Variants in ATF6B observed in about 807,000 individuals in gnomAD.
ATF6B encodes the protein cyclic AMP-dependent transcription factor ATF-6 beta.
ATF6B carries 50 observed loss-of-function variants against 83.5 expected under a neutral mutation model. The observed-to-expected ratio is 0.60, with a 90% CI of 0.48 to 0.76. The LOEUF (loss-of-function observed/expected upper bound fraction) is 0.76. Among genes scored for constraint, ATF6B ranks in the 30% least tolerant of loss-of-function variants. The pLI, the probability that ATF6B is intolerant of heterozygous loss-of-function variation, is 0.00. For missense variants in ATF6B, 790 were observed against 893.8 expected, an observed-to-expected ratio of 0.88 and a Z score of 1.48; for synonymous variants, 344 against 362.8, an observed-to-expected ratio of 0.95 and a Z score of 0.59.
rs759261328 is a variant in ATF6B at position 32,126,265 on chromosome 6, T to A, written c.343-13A>T. Reference sequence around the variant, plus strand: ...CTACCCCAAGAGCCTGGGTGAGAGTTGGTGTGGGGCAGGGGGCAGAAAGAA... The same window carrying A: ...CTACCCCAAGAGCCTGGGTGAGAGTAGGTGTGGGGCAGGGGGCAGAAAGAA... On this transcript the variant is annotated splice_polypyrimidine_tract_variant and intron_variant, in intron 4 of 17. Coordinates refer to ENST00000375203, the MANE Select transcript of ATF6B (RefSeq NM_004381.5). The A allele has an allele frequency of 6.2e-7, 1 of 1,613,346 alleles. No individual in the cohort carries two copies. The highest frequency in any genetic ancestry group is 1.1e-5 in the South Asian group (1 of 91,050).
Position 32,124,114 on chromosome 6 carries a change from C to T in ATF6B, c.478+2003G>A, listed in dbSNP as rs541093038. On this transcript the variant is annotated intron_variant, in intron 5 of 17. Coordinates refer to ENST00000375203, the MANE Select transcript of ATF6B (RefSeq NM_004381.5). ...ACTCAGGAGGCTGAGGCAGGAGAATCGCTTGAACCCAGGAGGCAGAGATTA... is the reference window on the plus strand; with the variant it reads ...ACTCAGGAGGCTGAGGCAGGAGAATTGCTTGAACCCAGGAGGCAGAGATTA... 1.1e-4 allele frequency among the ~76,000 whole-genome samples: 16 copies of T among 152,206 alleles called. No individual in the cohort carries two copies. In the East Asian group the frequency reaches 2.1e-3, roughly 20 times the overall value.
In ATF6B at chr6:32,118,885, G is replaced by C; in HGVS notation, c.1153-19C>G. The C allele has an allele frequency of 2.5e-6, 4 of 1,614,158 alleles. No homozygotes were observed. Among genetic ancestry groups the C allele is most frequent in the Non-Finnish European group, 3.4e-6 (4 of 1,180,000 alleles). On this transcript the variant is annotated intron_variant, in intron 10 of 17. Coordinates refer to ENST00000375203, the MANE Select transcript of ATF6B (RefSeq NM_004381.5). This position sits in a 1 kb window ranked among gnomAD's most constrained non-coding sequence, Gnocchi z 5.2. ...CGCTGTTCTAAGGTACAAAGAAGGA[G>C]ACAAGAAAAAGGGGAATCATTCCAA...
Position 32,117,156 on chromosome 6 carries a change from A to G in ATF6B, c.1615-49T>C. The G allele has an allele frequency of 6.3e-7, 1 of 1,597,880 alleles. No individual in the cohort carries two copies. Among genetic ancestry groups the G allele is most frequent in the Non-Finnish European group, 8.6e-7 (1 of 1,166,190 alleles). ...CTTGGAGAGGGTGAAGGGAAAAGGG[A>G]AAGAGACAAACAGCCCCTGGAAGCT... is the stretch of plus-strand genomic sequence containing the variant. On this transcript the variant is annotated intron_variant, in intron 14 of 17. Transcript: ENST00000375203. The surrounding 1 kb of genome is among the most constrained non-coding windows in gnomAD (Gnocchi z 5.0).
rs766245629 is a variant in ATF6B at position 32,117,358 on chromosome 6, G to A, written c.1579C>T (p.Arg527Trp). 49 of 1,613,894 alleles carry A rather than the reference G, an allele frequency of 3.0e-5. No individual in the cohort carries two copies. Among genetic ancestry groups the A allele is most frequent in the African/African-American group, 6.7e-5 (5 of 74,874 alleles). ...TGGGCCCTCTGAGGGATCTTCCTCC[G>A]GCCTCTCTGGTGGCGCTGGACCCAG... ...SGWVQRHQRG[R>W]RKIPQRAQER... The change falls in exon 14 of 18, where the codon CGG (arginine) becomes TGG (tryptophan). Residue 527 changes from arginine to tryptophan, a missense_variant. This residue lies in a region of ATF6B where 530 missense variants were observed against 632.6 expected (regional missense o/e 0.84). Transcript: ENST00000375203. The surrounding 1 kb of genome is among the most constrained non-coding windows in gnomAD (Gnocchi z 5.0).
In ATF6B at chr6:32,119,821, T is replaced by TA; in HGVS notation, c.966+2dup. 1.2e-6 allele frequency: 2 copies of TA among 1,613,762 alleles called. No homozygotes were observed. The highest frequency in any genetic ancestry group is 1.7e-6 in the Non-Finnish European group (2 of 1,179,820). ...CCCTACTTCTCTCCTCCCCAACACT[T>TA]ACATCCACTTCAGGCGGGCAGGAGT... On this transcript the variant is annotated splice_region_variant and intron_variant, in intron 9 of 17. Coordinates refer to ENST00000375203, the MANE Select transcript of ATF6B (RefSeq NM_004381.5). The surrounding 1 kb of genome is among the most constrained non-coding windows in gnomAD (Gnocchi z 4.9).
chr6:32,121,239 G>A, intron 6 of ATF6B, 24 bp downstream of exon 6: 1 of 1,612,672 alleles, frequency 6.2e-7, no homozygotes. Context: ...AAAACCTGGA[G>A]GAAGGAAGGA....
At chr6:32,123,122 G>A (rs553742659) in intron 5 of ATF6B, among the ~76,000 whole-genome samples, 2 of 151,062 alleles carry the variant, frequency 1.3e-5, no homozygotes, top group African/African-American at 2.4e-5. Flanking sequence ...TAGCTATTAG[G>A]GGGGCTGAGG....
chr6:32,127,286 C>A (rs1250826752), intron 3 of ATF6B, 92 bp from the exon 4 acceptor site: 1 of 1,389,556 alleles, frequency 7.2e-7, no homozygotes, highest in Non-Finnish European at 9.8e-7. Context: ...ATTCCTGTAC[C>A]GCAGCAAGGG....
rs1022028190 is a variant in ATF6B at position 32,120,828 on chromosome 6, T to C, written c.775A>G (p.Arg259Gly). Residue 259 changes from arginine (R) to glycine (G), a missense_variant, in exon 8 of 18, where the codon AGA (arginine) becomes GGA (glycine). Around this residue, in one of 3 missense-constraint regions of ATF6B, gnomAD observed 530 missense variants for 632.6 expected, o/e 0.84. Transcript: ENST00000375203. The part of the protein sequence containing the change: ...VVLTTVPMPS[R>G]AVPPSTTVLL... ...ACTGTGGTGCTGGGAGGCACAGCTC[T>C]GGATGGCATTGGGACAGTGGTTAGC... The C allele has an allele frequency of 6.2e-7, 1 of 1,608,592 alleles. No individual in the cohort carries two copies. Among genetic ancestry groups the C allele is most frequent in the African/African-American group, 1.3e-5 (1 of 74,748 alleles).
At chr6:32,124,916 C>T (rs1310421361) in intron 5 of ATF6B, among the ~76,000 whole-genome samples, 1 of 151,598 alleles carries the variant, frequency 6.6e-6, no homozygotes, top group African/African-American at 2.4e-5. Flanking sequence ...GGCGTGATCT[C>T]GGCTCACTGC....
Position 32,117,918 on chromosome 6 carries a change from C to T in ATF6B, c.1365G>A (p.Gln455=). 1 of 1,606,384 alleles carries T rather than the reference C, an allele frequency of 6.2e-7. No individual in the cohort carries two copies. Among genetic ancestry groups the T allele is most frequent in the Non-Finnish European group, 8.5e-7 (1 of 1,176,368 alleles). The change falls in exon 12 of 18, where the codon CAG becomes CAA. Residue 455 remains glutamine, a synonymous_variant. Transcript: ENST00000375203. This position sits in a 1 kb window ranked among gnomAD's most constrained non-coding sequence, Gnocchi z 5.0. ...GCTCCTTAGGGCCCTGGGAGGACCC[C>T]TGGAGAGGTTCAACTCCCTGAACTG... is the stretch of plus-strand genomic sequence containing the variant. The part of the protein sequence containing the change: ...QEPVQGVEPL[Q]GSSQGPKEPQ...
rs1396626888 is a variant in ATF6B at position 32,116,921 on chromosome 6, G to A, written c.1686-106C>T. 5.5e-5 allele frequency: 84 copies of A among 1,517,298 alleles called. No homozygotes were observed. The highest frequency in any genetic ancestry group is 7.6e-5 in the Non-Finnish European group (83 of 1,094,876). The allele number at this position is 1,517,298 out of a possible 1,614,324, so 94.0% of individuals were successfully genotyped here. On this transcript the variant is annotated intron_variant, in intron 15 of 17. Coordinates refer to ENST00000375203, the MANE Select transcript of ATF6B (RefSeq NM_004381.5). The surrounding 1 kb of genome is among the most constrained non-coding windows in gnomAD (Gnocchi z 5.1). The stretch of plus-strand genomic sequence containing the variant: ...AAAAAGACAGGAGACCCCCAGTGGA[G>A]GAGGGAGGTATAATCCCACTGGTGA...
At position 32,116,101 on chromosome 6, in the gene ATF6B, T is replaced by C. The variant is rs777471621; in HGVS notation, c.1883-133A>G. The C allele has an allele frequency of 3.7e-5, 25 of 671,854 alleles. No homozygotes were observed. The highest frequency in any genetic ancestry group is 3.3e-4 in the East Asian group (12 of 36,550). 41.6% of individuals were successfully genotyped at this position (671,854 alleles called of 1,614,324 possible). ...GGGCAATAGTGAGGAGGCAGATCCA[T>C]AGCGGGAGTTAAACAGGATGGCAGG... On this transcript the variant is annotated intron_variant, in intron 17 of 17. Coordinates refer to ENST00000375203, the MANE Select transcript of ATF6B (RefSeq NM_004381.5). The surrounding 1 kb of genome is among the most constrained non-coding windows in gnomAD (Gnocchi z 5.1).
Position 32,116,570 on chromosome 6 carries a change from G to A in ATF6B, c.1798-6C>T, listed in dbSNP as rs1196111532. The A allele has an allele frequency of 6.3e-7, 1 of 1,597,244 alleles. No homozygotes were observed. The highest frequency in any genetic ancestry group is 2.2e-5 in the East Asian group (1 of 44,726). ...GCTGGGAGCAGCAGGTGGTCCTGGG[G>A]AACAGATGGGCCAGGCCAGAAGGGT... is the stretch of plus-strand genomic sequence containing the variant. On this transcript the variant is annotated splice_region_variant and splice_polypyrimidine_tract_variant and intron_variant, in intron 16 of 17. Transcript: ENST00000375203. This position sits in a 1 kb window ranked among gnomAD's most constrained non-coding sequence, Gnocchi z 5.1.
At chr6:32,120,519 C>T (rs1260199498) in intron 8 of ATF6B, 4 of 303,484 alleles carry the variant, frequency 1.3e-5, no homozygotes, top group Admixed American at 5.2e-5. Flanking sequence ...GGCATGATCT[C>T]GGCTCACTGC....
At chr6:32,121,193 A>G in intron 6 of ATF6B, 69 bp from the exon 7 acceptor site, 1 of 1,609,862 alleles carries the variant, frequency 6.2e-7, no homozygotes, top group Non-Finnish European at 8.5e-7. Flanking sequence ...AAGAAGGGAA[A>G]GCTCTCATAC....
At chr6:32,124,908 C>A (rs945121382) in intron 5 of ATF6B, among the ~76,000 whole-genome samples, 2 of 151,452 alleles carry the variant, frequency 1.3e-5, no homozygotes, top group African/African-American at 2.4e-5. Context: ...AGTGCAGTGG[C>A]GTGATCTCGG....
intron 2 of ATF6B, 63 bp downstream of exon 2, chr6:32,127,608 G>T: frequency 1.9e-6 from 3 of 1,611,504 alleles, no homozygotes; most frequent in Non-Finnish European, 2.5e-6. Flanking sequence ...CCTGTGAATG[G>T]GTCCAGGTTC....
chr6:32,123,745 G>A (rs1172586744), intron 5 of ATF6B, among the ~76,000 whole-genome samples: 1 of 152,034 alleles, frequency 6.6e-6, no homozygotes, highest in Non-Finnish European at 1.5e-5. Flanking sequence ...GTATTAATCT[G>A]CTAGATATAA....
Sources: gnomAD v4.1 joint callset for allele counts (sites outside exome capture counted in the v4.1 genomes callset) on GRCh38, gnomAD v4.1.1 for gene constraint, gnomAD v4.1.1 regional missense constraint, Gnocchi (gnomAD v3.1) non-coding constraint, MANE v1.5 for transcripts, NCBI Gene and HGNC (gene_info 2026-07-23, HGNC 2026-07-21) for gene names.